The following SLC2A9 variants were observed in gnomAD, a reference collection of about 807,000 sequenced individuals.
The protein encoded by SLC2A9 is solute carrier family 2 member 9, also known as solute carrier family 2, facilitated glucose transporter member 9.
A neutral mutation model predicts 50.6 loss-of-function variants in SLC2A9; 39 were observed. The ratio of observed to expected loss-of-function variants is 0.77; its 90% confidence interval spans 0.60 to 1.01. SLC2A9 has a LOEUF of 1.01. Among genes scored for constraint, SLC2A9 ranks in the 50% least tolerant of loss-of-function variants. The probability of loss-of-function intolerance (pLI) is 0.00; values close to 1 mark genes in which losing one functional copy is unlikely to be tolerated. For missense variants in SLC2A9, 686 were observed against 677.6 expected, an observed-to-expected ratio of 1.01 and a Z score of -0.14; for synonymous variants, 324 against 276.9, an observed-to-expected ratio of 1.17 and a Z score of -1.69.
intron 10 of SLC2A9, among the ~76,000 whole-genome samples, chr4:9,845,178 T>C (rs1337194941): frequency 1.3e-5 from 2 of 151,770 alleles, no homozygotes; most frequent in African/African-American, 4.8e-5. Context: ...CACACATGGA[T>C]AATTTTTTGT....
intron 4 of SLC2A9, 144 bp from the exon 5 acceptor site, chr4:9,980,881 A>C: frequency 9.4e-7 from 1 of 1,067,724 alleles, no homozygotes; most frequent in Admixed American, 2.0e-5. Context: ...ACTTAGCACA[A>C]ATTGCCAAAG....
chr4:9,788,802 T>G (rs752219828), intron 3 of SLC2A9, among the ~76,000 whole-genome samples: 15 of 152,204 alleles, frequency 9.9e-5, no homozygotes, highest in Non-Finnish European at 2.1e-4. Flanking sequence ...CATTATTCTT[T>G]GAGTAGTTTT....
intron 5 of SLC2A9, among the ~76,000 whole-genome samples, chr4:9,960,215 C>A (rs1490927273): frequency 6.6e-6 from 1 of 152,214 alleles, no homozygotes. Context: ...CTCTCCAGGG[C>A]CTTGAGCCTA....
chr4:9,998,308 C>T (rs1402148481), intron 2 of SLC2A9, among the ~76,000 whole-genome samples: 2 of 150,334 alleles, frequency 1.3e-5, no homozygotes, highest in Non-Finnish European at 2.9e-5. Flanking sequence ...AGGTTCAGGT[C>T]GCTCAGACCT....
intron 1 of SLC2A9, among the ~76,000 whole-genome samples, chr4:10,038,387 A>C (rs1303645315): frequency 1.3e-5 from 2 of 151,648 alleles, no homozygotes; most frequent in Non-Finnish European, 2.9e-5. Context: ...GGCACCTGTA[A>C]TCCAAGCTAC....
intron 4 of SLC2A9, among the ~76,000 whole-genome samples, chr4:9,985,110 C>A (rs193235016): frequency 2.0e-5 from 3 of 152,108 alleles, no homozygotes; most frequent in African/African-American, 7.2e-5. Flanking sequence ...CTAAAACAGC[C>A]CTCACCACCC....
rs921711007 is a variant in SLC2A9 at position 9,879,221 on chromosome 4, C to T, written c.1291+8346G>A. ...GGCTGTGGGAGCCCAGAGGGGCGGG[C>T]TGTTTCTAAGAAAGTCTCAAGATGC... On this transcript the variant is annotated intron_variant, in intron 10 of 11. Transcript: ENST00000264784. 1.8e-5 allele frequency: 18 copies of T among 985,150 alleles called. No homozygotes were observed. In the African/African-American group the frequency reaches 3.1e-4, roughly 17 times the overall value. The allele number at this position is 985,150 out of a possible 1,614,324, so 61.0% of individuals were successfully genotyped here. A position where few individuals can be genotyped will look rare whatever the true frequency, so the allele number is the denominator to read the frequency against.
At chr4:9,832,488 G>A (rs961999776) in intron 11 of SLC2A9, among the ~76,000 whole-genome samples, 2 of 152,108 alleles carry the variant, frequency 1.3e-5, no homozygotes, top group African/African-American at 2.4e-5. Flanking sequence ...TTCCTGCTCC[G>A]ATGAAGGTTC....
intron 5 of SLC2A9, among the ~76,000 whole-genome samples, chr4:9,977,990 G>A (rs13125476): frequency 0.069 from 10,539 of 152,266 alleles, 880 homozygotes; most frequent in East Asian, 0.47. Context: ...ATCGACTGGC[G>A]GGACAAGATG....
intron 5 of SLC2A9, among the ~76,000 whole-genome samples, chr4:9,979,176 C>T (rs1755288900): frequency 6.6e-6 from 1 of 152,172 alleles, no homozygotes; most frequent in South Asian, 2.1e-4. Context: ...GGTTTCAGCA[C>T]CAATATGCCC....
At chr4:9,783,961 G>T (rs1414422703) in intron 3 of SLC2A9, 1 of 169,290 alleles carries the variant, frequency 5.9e-6, no homozygotes. Context: ...CATAGCTTAA[G>T]AAGTATCCCT....
intron 5 of SLC2A9, among the ~76,000 whole-genome samples, chr4:9,974,481 G>A (rs35908990): frequency 0.43 from 63,898 of 149,950 alleles, 14,727 homozygotes; most frequent in Non-Finnish European, 0.52. Context: ...TTCAAGCTGA[G>A]AGCCAAAGCA....
intron 5 of SLC2A9, among the ~76,000 whole-genome samples, chr4:9,970,923 A>C (rs910661031): frequency 1.6e-4 from 25 of 152,324 alleles, no homozygotes; most frequent in African/African-American, 5.5e-4. Context: ...CATTATATAG[A>C]AGGACATTGT....
chr4:9,911,359 C>A (rs141536201), intron 7 of SLC2A9, among the ~76,000 whole-genome samples: 1 of 152,118 alleles, frequency 6.6e-6, no homozygotes, highest in Non-Finnish European at 1.5e-5. Context: ...CCTCCCCCTA[C>A]ATCAGCTGAT....
upstream of SLC2A9, chr4:10,040,256 C>T (rs975399991): frequency 6.6e-6 from 1 of 152,190 alleles, no homozygotes; most frequent in African/African-American, 2.4e-5. Context: ...AACACTCAGC[C>T]AACAGGAACT....
At chr4:9,995,504 T>C (rs549508561) in intron 3 of SLC2A9, among the ~76,000 whole-genome samples, 18 of 152,302 alleles carry the variant, frequency 1.2e-4, no homozygotes, top group South Asian at 1.0e-3. Context: ...TTTCAGATTG[T>C]GAAATGGGCT....
At chr4:9,962,771 T>C (rs1357194328) in intron 5 of SLC2A9, among the ~76,000 whole-genome samples, 1 of 152,242 alleles carries the variant, frequency 6.6e-6, no homozygotes, top group Non-Finnish European at 1.5e-5. Flanking sequence ...AAACTGCAGA[T>C]GTGTGCAGAG....
At chr4:9,968,462 A>C (rs1300140457) in intron 5 of SLC2A9, among the ~76,000 whole-genome samples, 1 of 152,138 alleles carries the variant, frequency 6.6e-6, no homozygotes, top group Non-Finnish European at 1.5e-5. Flanking sequence ...GAGGCCTGAC[A>C]CTAAAAATGT....
At chr4:9,817,756 A>G (rs528669306) in intron 3 of SLC2A9, among the ~76,000 whole-genome samples, 1 of 152,258 alleles carries the variant, frequency 6.6e-6, no homozygotes, top group Non-Finnish European at 1.5e-5. Context: ...AAAAGCAGGG[A>G]GATTTTTTGC....
Sources: gnomAD v4.1 joint callset for allele counts (sites outside exome capture counted in the v4.1 genomes callset) on GRCh38, gnomAD v4.1.1 for gene constraint, MANE v1.5 for transcripts, NCBI Gene and HGNC (gene_info 2026-07-23, HGNC 2026-07-21) for gene names.